The following JMY variants were observed in gnomAD, a reference collection of about 807,000 sequenced individuals.
JMY encodes junction mediating and regulatory protein, p53 cofactor.
A neutral mutation model predicts 103.3 loss-of-function variants in JMY; 46 were observed. The ratio of observed to expected loss-of-function variants is 0.45; its 90% confidence interval spans 0.35 to 0.57. The LOEUF is 0.57. JMY is among the 20% of genes least tolerant of loss of function. The pLI is 0.00. For missense variants in JMY, 1,238 were observed against 1,255.2 expected, an observed-to-expected ratio of 0.99 and a Z score of 0.21; for synonymous variants, 526 against 489.3, an observed-to-expected ratio of 1.07 and a Z score of -0.99.
At chr5:79,294,896 C>G (rs1279716628) in intron 4 of JMY, among the ~76,000 whole-genome samples, 1 of 151,436 alleles carries the variant, frequency 6.6e-6, no homozygotes, top group East Asian at 1.9e-4. Flanking sequence ...TGCTTTCTTT[C>G]CCTGGCAGAG....
chr5:79,306,310 C>T (rs1203176230), intron 6 of JMY, 65 bp from the exon 7 acceptor site: 8 of 1,117,884 alleles, frequency 7.2e-6, no homozygotes, highest in Non-Finnish European at 9.5e-6. Context: ...AAAATTTAAC[C>T]TTGGTGTGGT....
At chr5:79,265,414 A>G (rs1745556986) in intron 1 of JMY, among the ~76,000 whole-genome samples, 1 of 152,220 alleles carries the variant, frequency 6.6e-6, no homozygotes, top group South Asian at 2.1e-4. Context: ...TGGCAGTCTT[A>G]ACTACAATTC....
intron 6 of JMY, among the ~76,000 whole-genome samples, chr5:79,301,675 C>G (rs921966448): frequency 9.8e-5 from 15 of 152,366 alleles, no homozygotes; most frequent in Admixed American, 3.9e-4. Context: ...ATCCAGAGCC[C>G]TGGCTTTCAC....
At chr5:79,275,707 G>A (rs552062682) in intron 1 of JMY, among the ~76,000 whole-genome samples, 1 of 152,254 alleles carries the variant, frequency 6.6e-6, no homozygotes, top group Non-Finnish European at 1.5e-5. Flanking sequence ...GAACTGCTTA[G>A]CTAATACTAG....
intron 2 of JMY, among the ~76,000 whole-genome samples, chr5:79,287,621 C>A (rs1580356306): frequency 6.6e-6 from 1 of 152,088 alleles, no homozygotes; most frequent in Non-Finnish European, 1.5e-5. Flanking sequence ...CTAGCCCCTG[C>A]ACTCCAGCCT....
At position 79,277,915 on chromosome 5, in the gene JMY, G is replaced by A. The variant is rs768474540; in HGVS notation, c.1038G>A (p.Leu346=). 2 of 1,609,396 alleles carry A rather than the reference G, an allele frequency of 1.2e-6. No individual in the cohort carries two copies. Among genetic ancestry groups the A allele is most frequent in the Non-Finnish European group, 8.5e-7 (1 of 1,176,988 alleles). The change falls in exon 2 of 11, where the codon TTG becomes TTA. Residue 346 remains leucine, a synonymous_variant. Coordinates refer to ENST00000396137, the MANE Select transcript of JMY (RefSeq NM_152405.5). The part of the protein sequence containing the change: ...QRARKRIQEL[L]DKHKNTESMV... ...GAAACTGTCTTGTTCCACAGCTCTTGGATAAGCACAAGAATACAGAGAGCA... is the reference window on the plus strand; with the variant it reads ...GAAACTGTCTTGTTCCACAGCTCTTAGATAAGCACAAGAATACAGAGAGCA...
rs1467570134 is a variant in JMY, at chr5:79,327,088, T to TAA, written c.*5487_*5488insAA. On this transcript the variant is annotated 3_prime_UTR_variant, in exon 11 of 11. Coordinates refer to ENST00000396137, the MANE Select transcript of JMY (RefSeq NM_152405.5). ...TTACACTCATGACTTCAGAGTTAAG[T>TAA]ACTTGTACACCAAGTATTGCAATCA... 1 of 152,248 alleles carries TAA rather than the reference T, an allele frequency of 6.6e-6. No homozygotes were observed. Among genetic ancestry groups the TAA allele is most frequent in the African/African-American group, 2.4e-5 (1 of 41,462 alleles). The allele number at this position is 152,248 out of a possible 1,614,324, so 9.4% of individuals were successfully genotyped here. A position where few individuals can be genotyped will look rare whatever the true frequency, so the allele number is the denominator to read the frequency against.
intron 1 of JMY, among the ~76,000 whole-genome samples, chr5:79,273,397 A>C (rs1745841577): frequency 6.6e-6 from 1 of 152,122 alleles, no homozygotes; most frequent in Non-Finnish European, 1.5e-5. Context: ...TCATAGGTGT[A>C]CTTGTTCCTC....
At chr5:79,272,186 A>C (rs1561298771) in intron 1 of JMY, among the ~76,000 whole-genome samples, 1 of 149,688 alleles carries the variant, frequency 6.7e-6, no homozygotes, top group Non-Finnish European at 1.5e-5. Flanking sequence ...CTACTCTTTG[A>C]TATTAAAATA....
At chr5:79,272,104 T>A (rs1214653401) in intron 1 of JMY, among the ~76,000 whole-genome samples, 4 of 150,186 alleles carry the variant, frequency 2.7e-5, no homozygotes, top group Admixed American at 2.0e-4. Context: ...AGAGTGAGAT[T>A]CTGTCTTTAA....
chr5:79,306,241 T>G, intron 6 of JMY, 134 bp from the exon 7 acceptor site: 1 of 628,682 alleles, frequency 1.6e-6, no homozygotes, highest in Non-Finnish European at 2.8e-6. Flanking sequence ...GTTGTCCAAA[T>G]AAGAAACAAG....
intron 1 of JMY, among the ~76,000 whole-genome samples, chr5:79,261,054 C>G (rs564827720): frequency 2.0e-4 from 30 of 152,198 alleles, no homozygotes; most frequent in Non-Finnish European, 4.1e-4. Context: ...GAAAATAAAT[C>G]TAGGGACCCC....
intron 1 of JMY, among the ~76,000 whole-genome samples, chr5:79,260,172 C>G (rs1745379063): frequency 6.6e-6 from 1 of 152,232 alleles, no homozygotes; most frequent in Non-Finnish European, 1.5e-5. Context: ...CTAGCTGTAC[C>G]CTTCAGCCAG....
At chr5:79,297,811 A>T (rs1746608351) in intron 4 of JMY, among the ~76,000 whole-genome samples, 1 of 152,142 alleles carries the variant, frequency 6.6e-6, no homozygotes, top group Admixed American at 6.5e-5. Context: ...CCCTTGGCAA[A>T]TCCACGTCTG....
rs1344185428 is a variant in JMY at position 79,236,609 on chromosome 5, CG to C, written c.-39del. ...GCCAGCGGGGAGTCCTCGGGCGGGCCGGGCCGGCGGCCCTTCCCCGCGGCGA... is the reference window on the plus strand; with the variant it reads ...GCCAGCGGGGAGTCCTCGGGCGGGCCGGCCGGCGGCCCTTCCCCGCGGCGA... On this transcript the variant is annotated 5_prime_UTR_variant, in exon 1 of 11. Transcript: ENST00000396137. 14 of 1,338,884 alleles carry C rather than the reference CG, an allele frequency of 1.0e-5. No individual in the cohort carries two copies. The South Asian group carries it at 1.2e-4, about 12-fold the overall frequency. 82.9% of individuals were successfully genotyped at this position (1,338,884 alleles called of 1,614,324 possible). A position where few individuals can be genotyped will look rare whatever the true frequency, so the allele number is the denominator to read the frequency against.
chr5:79,306,456 C>G lies in JMY; in HGVS notation c.1963C>G (p.Gln655Glu). 1 of 1,604,652 alleles carries G rather than the reference C, an allele frequency of 6.2e-7. No homozygotes were observed. The highest frequency in any genetic ancestry group is 8.5e-7 in the Non-Finnish European group (1 of 1,173,226). The change falls in exon 7 of 11, where the codon CAA becomes GAA. Residue 655 changes from glutamine (Q) to glutamate (E), a missense_variant. By Grantham distance (29) the Gln-to-Glu change is conservative (BLOSUM62 2). Transcript: ENST00000396137. ...TGAATATAGAACCCATCACACAGTA[C>G]AACTAGTAAGTTTGGATTCGAAGAT... is the stretch of plus-strand genomic sequence containing the variant. ...EDEYRTHHTV[Q>E]LKREKLHDEE...
chr5:79,281,353 ATTTTT>A (rs35881012), intron 2 of JMY, among the ~76,000 whole-genome samples: 15 of 116,714 alleles, frequency 1.3e-4, no homozygotes, highest in African/African-American at 3.2e-4. Context: ...CAAGAAATTA[ATTTTT>A]TTTTTTTTTT....
At chr5:79,248,333 G>T (rs1446634520) in intron 1 of JMY, among the ~76,000 whole-genome samples, 1 of 151,138 alleles carries the variant, frequency 6.6e-6, no homozygotes, top group Non-Finnish European at 1.5e-5. Context: ...TTGAGACAGA[G>T]TCTCCCTCTG....
intron 4 of JMY, among the ~76,000 whole-genome samples, chr5:79,295,488 A>T (rs1255073380): frequency 6.6e-6 from 1 of 152,248 alleles, no homozygotes; most frequent in Non-Finnish European, 1.5e-5. Context: ...CACTTGACAT[A>T]GAGTAAGACC....
Sources: gnomAD v4.1 joint callset for allele counts (sites outside exome capture counted in the v4.1 genomes callset) on GRCh38, gnomAD v4.1.1 for gene constraint, MANE v1.5 for transcripts, NCBI Gene and HGNC (gene_info 2026-07-23, HGNC 2026-07-21) for gene names.